The following UNC13C variants were observed in gnomAD, a reference collection of about 807,000 sequenced individuals.
UNC13C encodes the protein protein unc-13 homolog C.
Under a neutral mutation model 245.4 loss-of-function variants are expected in UNC13C, and 174 were observed. The observed-to-expected ratio is 0.71, with a 90% CI of 0.63 to 0.80. UNC13C has a LOEUF of 0.80. Ranked by LOEUF, UNC13C falls within the 30% of genes least tolerant of loss-of-function variation. UNC13C has a pLI of 0.00. For missense variants in UNC13C, 2,829 were observed against 2,602.9 expected (o/e 1.09, Z -1.89); for synonymous variants, 992 against 895.1 (o/e 1.11, Z -1.93).
intron 4 of UNC13C, among the ~76,000 whole-genome samples, chr15:54,152,674 T>G (rs2032572932): frequency 6.6e-6 from 1 of 152,190 alleles, no homozygotes; most frequent in Non-Finnish European, 1.5e-5. Context: ...CATGTTACAT[T>G]GAGCAGAATA....
In UNC13C at chr15:54,612,031, T is replaced by G. The variant is rs181177656; in HGVS notation, c.6107-10296T>G. Reference sequence around the variant, plus strand: ...TTACTCAGCAATTACAAAATAAGTTTATTTCTCATTTTCAACCAGAATTTT... The same window carrying G: ...TTACTCAGCAATTACAAAATAAGTTGATTTCTCATTTTCAACCAGAATTTT... On this transcript the variant is annotated intron_variant, in intron 30 of 32. Coordinates refer to ENST00000260323, the MANE Select transcript of UNC13C (RefSeq NM_001080534.3). Among the ~76,000 whole-genome samples, 16 of 152,186 alleles carry G rather than the reference T, an allele frequency of 1.1e-4. No individual in the cohort carries two copies. In the East Asian group the frequency reaches 3.1e-3, roughly 29 times the overall value.
chr15:54,186,878 T>C (rs1358106043), intron 4 of UNC13C, among the ~76,000 whole-genome samples: 1 of 150,310 alleles, frequency 6.7e-6, no homozygotes, highest in Non-Finnish European at 1.5e-5. Flanking sequence ...AGACAGAGTC[T>C]TGCTCTGTCA....
the UNC13C span, among the ~76,000 whole-genome samples, chr15:53,859,304 C>A: frequency 3.6e-4 from 54 of 151,662 alleles, no homozygotes; most frequent in African/African-American, 1.3e-3. Flanking sequence ...TTCTTTGGTC[C>A]AAATATATCA....
chr15:54,261,379 G>A (rs2036419495), intron 8 of UNC13C, among the ~76,000 whole-genome samples: 1 of 152,166 alleles, frequency 6.6e-6, no homozygotes, highest in African/African-American at 2.4e-5. Flanking sequence ...AGATATGTGG[G>A]TTTGATAAAG....
intron 13 of UNC13C, among the ~76,000 whole-genome samples, chr15:54,304,941 C>T (rs567782476): frequency 2.0e-5 from 3 of 152,052 alleles, no homozygotes; most frequent in South Asian, 4.2e-4. Context: ...CAAAAATATA[C>T]GTGTACTCAT....
intron 2 of UNC13C, among the ~76,000 whole-genome samples, chr15:54,095,209 C>T (rs1189470503): frequency 6.6e-6 from 1 of 152,196 alleles, no homozygotes; most frequent in East Asian, 1.9e-4. Context: ...GGCATCGTGC[C>T]TCTCAAACTC....
chr15:53,955,398 G>A, the UNC13C span, among the ~76,000 whole-genome samples: 1 of 151,972 alleles, frequency 6.6e-6, no homozygotes, highest in Non-Finnish European at 1.5e-5. Context: ...TTATGAGATG[G>A]GGTTATTAAA....
intron 7 of UNC13C, among the ~76,000 whole-genome samples, chr15:54,242,685 T>C (rs1369915155): frequency 6.6e-6 from 1 of 152,224 alleles, no homozygotes; most frequent in Non-Finnish European, 1.5e-5. Flanking sequence ...CATATAGTTA[T>C]TGATTTTAAT....
the UNC13C span, among the ~76,000 whole-genome samples, chr15:53,841,290 C>T: frequency 2.0e-5 from 3 of 152,132 alleles, no homozygotes; most frequent in Admixed American, 6.6e-5. Flanking sequence ...ACTCCAGAGT[C>T]TCTGCTTTCC....
At chr15:53,920,399 C>T in the UNC13C span, among the ~76,000 whole-genome samples, 1 of 151,944 alleles carries the variant, frequency 6.6e-6, no homozygotes, top group Non-Finnish European at 1.5e-5. Context: ...ACTAAAAATA[C>T]AAAAATTAGC....
chr15:54,553,411 AAT>A (rs1356893795), intron 28 of UNC13C, among the ~76,000 whole-genome samples: 1 of 129,060 alleles, frequency 7.7e-6, no homozygotes, highest in Non-Finnish European at 1.6e-5. Flanking sequence ...TATATATTGT[AAT>A]ATATAATATT....
the UNC13C span, among the ~76,000 whole-genome samples, chr15:53,884,259 G>T: frequency 6.6e-6 from 1 of 152,172 alleles, no homozygotes; most frequent in Non-Finnish European, 1.5e-5. Flanking sequence ...CATGAGAGTT[G>T]TGATCCAGAC....
chr15:53,992,203 C>T (rs374234524), intron 1 of UNC13C, among the ~76,000 whole-genome samples: 1 of 152,004 alleles, frequency 6.6e-6, no homozygotes, highest in Non-Finnish European at 1.5e-5. Flanking sequence ...TCTGTTTAAC[C>T]TCGTATACCT....
chr15:53,862,017 T>C, the UNC13C span, among the ~76,000 whole-genome samples: 7 of 152,130 alleles, frequency 4.6e-5, no homozygotes, highest in African/African-American at 1.7e-4. Flanking sequence ...ATTAGTCTGC[T>C]TGGGCTGCTA....
chr15:54,580,978 C>G (rs1380112322), intron 30 of UNC13C, among the ~76,000 whole-genome samples: 1 of 152,168 alleles, frequency 6.6e-6, no homozygotes, highest in African/African-American at 2.4e-5. Flanking sequence ...GTGCACAAAG[C>G]ACTGTGCTAG....
chr15:54,158,332 T>TA (rs1241333219), intron 4 of UNC13C, among the ~76,000 whole-genome samples: 1 of 152,202 alleles, frequency 6.6e-6, no homozygotes, highest in Non-Finnish European at 1.5e-5. Context: ...ACTCTTTTTT[T>TA]TAATTTTTTT....
At chr15:53,980,690 C>T (rs1893891801) in intron 1 of UNC13C, among the ~76,000 whole-genome samples, 1 of 152,024 alleles carries the variant, frequency 6.6e-6, no homozygotes, top group Non-Finnish European at 1.5e-5. Context: ...GTTGTTAGAC[C>T]TCCATTAAAG....
chr15:53,954,282 C>T, the UNC13C span, among the ~76,000 whole-genome samples: 2 of 152,194 alleles, frequency 1.3e-5, no homozygotes, highest in African/African-American at 4.8e-5. Flanking sequence ...ATTTGTCCCA[C>T]TAGAGTGTGT....
chr15:54,136,447 G>A (rs1465460606), intron 2 of UNC13C, among the ~76,000 whole-genome samples: 2 of 152,066 alleles, frequency 1.3e-5, no homozygotes, highest in Admixed American at 6.6e-5. Context: ...GTTTTTTGGT[G>A]GAGTCTAGGG....
Sources: gnomAD v4.1 joint callset for allele counts (sites outside exome capture counted in the v4.1 genomes callset) on GRCh38, gnomAD v4.1.1 for gene constraint, MANE v1.5 for transcripts, NCBI Gene and HGNC (gene_info 2026-07-23, HGNC 2026-07-21) for gene names.